The following MED12L variants were observed in gnomAD, a reference collection of about 807,000 sequenced individuals.
MED12L encodes mediator complex subunit 12L.
MED12L carries 60 observed loss-of-function variants against 281.3 expected under a neutral mutation model. That is an observed-to-expected ratio of 0.21 (90% CI 0.17 to 0.26). The LOEUF is 0.26. MED12L is among the 10% of genes least tolerant of loss of function. MED12L has a pLI of 1.00. For synonymous variants in MED12L, 974 were observed against 987.2 expected (o/e 0.99, Z 0.25); for missense variants, 2,146 against 2,680.9 (o/e 0.80, Z 4.41).
intron 44 of MED12L, among the ~76,000 whole-genome samples, chr3:151,430,963 G>A (rs1246232807): frequency 6.6e-6 from 1 of 151,854 alleles, no homozygotes; most frequent in African/African-American, 2.4e-5. Context: ...TTTGTTTAAT[G>A]TGCTGCCTTT....
intron 39 of MED12L, 76 bp downstream of exon 39, chr3:151,394,943 A>G: frequency 6.3e-7 from 1 of 1,587,260 alleles, no homozygotes; most frequent in Non-Finnish European, 8.6e-7. Flanking sequence ...TGGGATATGT[A>G]GCATATTCTT....
chr3:151,275,344 C>CA (rs146406052), intron 16 of MED12L, among the ~76,000 whole-genome samples: 4,051 of 152,120 alleles, frequency 0.027, 165 homozygotes, highest in African/African-American at 0.094. Flanking sequence ...GGGTAGAAGC[C>CA]AGCACCCGTC....
intron 43 of MED12L, among the ~76,000 whole-genome samples, chr3:151,427,792 TG>T (rs1325115160): frequency 6.6e-6 from 1 of 152,218 alleles, no homozygotes; most frequent in Non-Finnish European, 1.5e-5. Context: ...TAAGTTTTGT[TG>T]ATCTATTGCA....
intron 20 of MED12L, among the ~76,000 whole-genome samples, chr3:151,358,337 T>G (rs1274365801): frequency 6.6e-6 from 1 of 152,114 alleles, no homozygotes. Flanking sequence ...GTATAAAGTT[T>G]GAATTTAGTA....
intron 16 of MED12L, among the ~76,000 whole-genome samples, chr3:151,247,905 A>G (rs1335713180): frequency 6.6e-6 from 1 of 151,392 alleles, no homozygotes; most frequent in East Asian, 1.9e-4. Flanking sequence ...TGTATTCAGA[A>G]GACAGGGCTC....
At chr3:151,368,853 C>G (rs1455619622) in intron 25 of MED12L, among the ~76,000 whole-genome samples, 1 of 146,470 alleles carries the variant, frequency 6.8e-6, no homozygotes, top group Non-Finnish European at 1.5e-5. Flanking sequence ...CCTCTGCCTC[C>G]CGGGCTTAGG....
chr3:151,393,684 C>T (rs1714590930), intron 38 of MED12L, among the ~76,000 whole-genome samples: 1 of 152,122 alleles, frequency 6.6e-6, no homozygotes, highest in Admixed American at 6.5e-5. Flanking sequence ...TGACTCAGTT[C>T]CCAACATTGA....
At chr3:151,109,637 C>T (rs1039706007) in intron 2 of MED12L, among the ~76,000 whole-genome samples, 1 of 152,184 alleles carries the variant, frequency 6.6e-6, no homozygotes, top group Non-Finnish European at 1.5e-5. Context: ...AATTCACATT[C>T]TCAGCTGGCA....
At chr3:151,140,237 T>C (rs1237754051) in intron 5 of MED12L, among the ~76,000 whole-genome samples, 1 of 152,228 alleles carries the variant, frequency 6.6e-6, no homozygotes, top group Non-Finnish European at 1.5e-5. Context: ...AAATTTTCCC[T>C]ATTTACAGAC....
At chr3:151,295,009 A>G (rs747374151) in intron 16 of MED12L, 6 of 1,613,610 alleles carry the variant, frequency 3.7e-6, no homozygotes, top group Non-Finnish European at 5.1e-6. Flanking sequence ...TGTTTTTGAG[A>G]TAGAATATGA....
chr3:151,234,804 A>G (rs1195097629), intron 16 of MED12L, among the ~76,000 whole-genome samples: 1 of 152,188 alleles, frequency 6.6e-6, no homozygotes, highest in African/African-American at 2.4e-5. Flanking sequence ...AATGTGGACT[A>G]TCATTAACCC....
chr3:151,319,227 C>T (rs956042580), intron 16 of MED12L, among the ~76,000 whole-genome samples: 4 of 152,064 alleles, frequency 2.6e-5, no homozygotes, highest in Non-Finnish European at 5.9e-5. Context: ...AACAGCCAGC[C>T]CATAGCTTTA....
intron 6 of MED12L, among the ~76,000 whole-genome samples, chr3:151,156,742 C>T (rs545307528): frequency 1.2e-4 from 18 of 152,248 alleles, no homozygotes; most frequent in Admixed American, 8.5e-4. Flanking sequence ...GCTGAAAATA[C>T]AAACAGAGCT....
intron 16 of MED12L, among the ~76,000 whole-genome samples, chr3:151,255,750 T>C (rs1737698457): frequency 6.6e-6 from 1 of 152,298 alleles, no homozygotes; most frequent in Non-Finnish European, 1.5e-5. Flanking sequence ...TTAGATTAAT[T>C]GTGATTCTTT....
At chr3:151,303,715 A>G (rs1387374175) in intron 16 of MED12L, among the ~76,000 whole-genome samples, 2 of 152,184 alleles carry the variant, frequency 1.3e-5, no homozygotes, top group Non-Finnish European at 2.9e-5. Flanking sequence ...GTGAGCTGAG[A>G]TCACGCCACT....
chr3:151,251,434 A>G (rs528811045), intron 16 of MED12L, among the ~76,000 whole-genome samples: 1 of 152,000 alleles, frequency 6.6e-6, no homozygotes, highest in Admixed American at 6.5e-5. Flanking sequence ...ACCAAACCTC[A>G]GGTCATTTTT....
chr3:151,304,147 A>G (rs1296365168), intron 16 of MED12L, among the ~76,000 whole-genome samples: 1 of 152,158 alleles, frequency 6.6e-6, no homozygotes, highest in Non-Finnish European at 1.5e-5. Context: ...GAGGAAGTGG[A>G]GGCAGCAATC....
chr3:151,382,583 A>T (rs1553804298), intron 32 of MED12L, 73 bp from the exon 33 acceptor site: 2 of 940,168 alleles, frequency 2.1e-6, no homozygotes, highest in Admixed American at 3.1e-5. Context: ...TTTTGCTATC[A>T]GTATAAAGCT....
At chr3:151,126,482 A>C (rs1421005701) in intron 4 of MED12L, among the ~76,000 whole-genome samples, 1 of 152,226 alleles carries the variant, frequency 6.6e-6, no homozygotes, top group Non-Finnish European at 1.5e-5. Flanking sequence ...TCTTAAAAAG[A>C]ATTATTCTAG....
Sources: allele counts gnomAD v4.1 joint callset (sites outside exome capture counted in the v4.1 genomes callset), GRCh38; gene constraint gnomAD v4.1.1; transcripts MANE v1.5; gene names NCBI Gene and HGNC (gene_info 2026-07-23, HGNC 2026-07-21).